The following EXOC2 variants were observed in gnomAD, a reference collection of about 807,000 sequenced individuals.
The protein encoded by EXOC2 is exocyst complex component 2, also known as SEC5-like 1.
Under a neutral mutation model 131.8 loss-of-function variants are expected in EXOC2, and 70 were observed. The observed-to-expected ratio is 0.53, with a 90% CI of 0.44 to 0.65. The LOEUF (loss-of-function observed/expected upper bound fraction) is 0.65. EXOC2 is among the 30% of genes least tolerant of loss of function. The pLI is 0.00. For missense variants in EXOC2, 923 were observed against 1,108.6 expected (o/e 0.83, Z 2.38); for synonymous variants, 411 against 398.4 (o/e 1.03, Z -0.38).
chr6:491,623 C>G (rs75941849), intron 25 of EXOC2, among the ~76,000 whole-genome samples: 5,601 of 152,334 alleles, frequency 0.037, 167 homozygotes, highest in Middle Eastern at 0.061. Context: ...TGCAGGCACA[C>G]TGCCTTAATC....
chr6:610,493 A>G (rs945879244), intron 6 of EXOC2, among the ~76,000 whole-genome samples: 9 of 152,224 alleles, frequency 5.9e-5, no homozygotes, highest in Non-Finnish European at 1.2e-4. Context: ...AGTATCTCCA[A>G]TCCGAAAATC....
intron 23 of EXOC2, among the ~76,000 whole-genome samples, chr6:513,098 T>C (rs892539669): frequency 6.6e-5 from 10 of 152,264 alleles, no homozygotes; most frequent in Admixed American, 4.6e-4. Context: ...AGAGCCGTTA[T>C]GAATGCAGCT....
intron 1 of EXOC2, among the ~76,000 whole-genome samples, chr6:672,577 A>C (rs1248700770): frequency 1.3e-5 from 2 of 152,216 alleles, no homozygotes; most frequent in East Asian, 3.8e-4. Flanking sequence ...CTGCACTAAG[A>C]AGTTGGGATG....
At chr6:557,413 A>T (rs910774051) in intron 17 of EXOC2, among the ~76,000 whole-genome samples, 1 of 152,110 alleles carries the variant, frequency 6.6e-6, no homozygotes, top group Non-Finnish European at 1.5e-5. Context: ...AGGTCAAGAG[A>T]TTGAGACCGT....
chr6:489,180 A>G, intron 26 of EXOC2, 142 bp from the exon 27 acceptor site: 1 of 819,986 alleles, frequency 1.2e-6, no homozygotes. Context: ...GTGAAAAACA[A>G]TAGAAAAAGT....
intron 22 of EXOC2, among the ~76,000 whole-genome samples, chr6:537,566 C>A (rs1766544539): frequency 6.6e-6 from 1 of 152,214 alleles, no homozygotes; most frequent in African/African-American, 2.4e-5. Flanking sequence ...TCCTAATCAG[C>A]TTGTGCCACG....
At chr6:583,967 G>A (rs1433765106) in intron 11 of EXOC2, among the ~76,000 whole-genome samples, 3 of 152,074 alleles carry the variant, frequency 2.0e-5, no homozygotes, top group African/African-American at 7.2e-5. Flanking sequence ...CTCAACCTGG[G>A]TTCAGGCTGT....
chr6:485,932 CCAT>C lies in EXOC2; in HGVS notation c.*736_*738del, dbSNP rs1763019145. 1 of 152,262 alleles carries C rather than the reference CCAT, an allele frequency of 6.6e-6. No homozygotes were observed. Among genetic ancestry groups the C allele is most frequent in the East Asian group, 1.9e-4 (1 of 5,210 alleles). The allele number at this position is 152,262 out of a possible 1,614,324, so 9.4% of individuals were successfully genotyped here. On this transcript the variant is annotated 3_prime_UTR_variant, in exon 28 of 28. Coordinates refer to ENST00000230449, the MANE Select transcript of EXOC2 (RefSeq NM_018303.6). ...ACAGTGCCCGTTACACATTCACACT[CCAT>C]CACAGATAACACACAGGGCCTCAGG...
At chr6:540,995 T>C (rs1766780853) in intron 22 of EXOC2, among the ~76,000 whole-genome samples, 1 of 152,240 alleles carries the variant, frequency 6.6e-6, no homozygotes, top group Admixed American at 6.5e-5. Flanking sequence ...ACAAACCCGA[T>C]GTAATAGACA....
In EXOC2 at chr6:685,869, C is replaced by CTT. The variant is rs58892194; in HGVS notation, c.-44+7148_-44+7149dup. On this transcript the variant is annotated intron_variant, in intron 1 of 27. Transcript: ENST00000230449. ...TAATGTATCCTGCTTTCCTGGACCT[C>CTT]TTTTTTTTTTTTTTTTTTTTTTTTG... is the stretch of plus-strand genomic sequence containing the variant. 8.8e-4 allele frequency among the ~76,000 whole-genome samples: 86 copies of CTT among 98,256 alleles called. 3 individuals carry two copies. The highest frequency in any genetic ancestry group is 1.8e-3 in the African/African-American group (46 of 25,074). 64.5% of individuals were successfully genotyped at this position (98,256 alleles called of 152,430 possible).
chr6:486,961 A>G, intron 27 of EXOC2, among the ~76,000 whole-genome samples, 197 bp from the exon 28 acceptor site: 1 of 152,208 alleles, frequency 6.6e-6, no homozygotes, highest in Non-Finnish European at 1.5e-5. Context: ...TATACTGATA[A>G]CGTATTTATG....
intron 25 of EXOC2, 90 bp from the exon 26 acceptor site, chr6:491,276 C>A: frequency 7.5e-7 from 1 of 1,333,074 alleles, no homozygotes; most frequent in South Asian, 1.2e-5. Flanking sequence ...CCAGCCTGCT[C>A]ATCGTAGGAT....
chr6:606,523 G>A (rs1192461185), intron 7 of EXOC2, among the ~76,000 whole-genome samples: 1 of 152,196 alleles, frequency 6.6e-6, no homozygotes, highest in African/African-American at 2.4e-5. Context: ...CTTATCAAGA[G>A]TGTTTGCCTT....
At chr6:628,799 A>C (rs767177047) in intron 4 of EXOC2, among the ~76,000 whole-genome samples, 1 of 151,976 alleles carries the variant, frequency 6.6e-6, no homozygotes, top group Non-Finnish European at 1.5e-5. Context: ...TAAATACCCA[A>C]CTGTTACCAT....
At chr6:647,037 C>T (rs1268128212) in intron 1 of EXOC2, among the ~76,000 whole-genome samples, 2 of 152,182 alleles carry the variant, frequency 1.3e-5, no homozygotes, top group Non-Finnish European at 2.9e-5. Context: ...TTAATTAATG[C>T]TTACAAACCA....
intron 4 of EXOC2, among the ~76,000 whole-genome samples, chr6:625,504 A>C (rs953709701): frequency 1.4e-5 from 2 of 147,654 alleles, no homozygotes; most frequent in South Asian, 4.2e-4. Context: ...ACGTATTATA[A>C]GTTTGTTTCC....
At chr6:572,479 CG>C (rs775194405) in intron 13 of EXOC2, 40 bp downstream of exon 13, 1 of 1,576,858 alleles carries the variant, frequency 6.3e-7, no homozygotes, top group Non-Finnish European at 8.6e-7. Flanking sequence ...CAGAAATGCA[CG>C]GTGACTCAGC....
chr6:575,612 C>T (rs1758538288), intron 12 of EXOC2, among the ~76,000 whole-genome samples: 1 of 152,204 alleles, frequency 6.6e-6, no homozygotes, highest in Admixed American at 6.5e-5. Context: ...GTAGCAGATG[C>T]CGGCGCAATG....
chr6:685,085 G>A (rs193091303), intron 1 of EXOC2, among the ~76,000 whole-genome samples: 8 of 151,936 alleles, frequency 5.3e-5, no homozygotes, highest in Admixed American at 3.3e-4. Context: ...TTCGCTAACA[G>A]ATCAGACTAT....
Sources: gnomAD v4.1 joint callset for allele counts (sites outside exome capture counted in the v4.1 genomes callset) on GRCh38, gnomAD v4.1.1 for gene constraint, MANE v1.5 for transcripts, NCBI Gene and HGNC (gene_info 2026-07-23, HGNC 2026-07-21) for gene names.